ARRDC5: variants seen among roughly 807,000 people sequenced by gnomAD.
ARRDC5 encodes arrestin domain containing 5, also known as arrestin domain-containing protein 5.
Under a neutral mutation model 13.3 loss-of-function variants are expected in ARRDC5, and 12 were observed. That is an observed-to-expected ratio of 0.90 (90% CI 0.58 to 1.46). The LOEUF (loss-of-function observed/expected upper bound fraction) is 1.46, where lower values mean the gene tolerates loss of function less well. Among genes scored for constraint, ARRDC5 ranks in the 40% most tolerant of loss-of-function variants. The pLI is 0.00. For synonymous variants in ARRDC5, 181 were observed against 173.4 expected, an observed-to-expected ratio of 1.04 and a Z score of -0.34; for missense variants, 406 against 418.7, an observed-to-expected ratio of 0.97 and a Z score of 0.26.
intron 1 of ARRDC5, among the ~76,000 whole-genome samples, chr19:4,901,017 CAA>C (rs779901716): frequency 1.5e-5 from 2 of 129,472 alleles, no homozygotes; most frequent in African/African-American, 2.9e-5. Flanking sequence ...GATTCAGTCT[CAA>C]AAAAAAAAAA....
Position 4,891,268 on chromosome 19 carries a change from G to A in ARRDC5, c.765C>T (p.Ser255=). 6.2e-7 allele frequency: 1 copy of A among 1,613,948 alleles called. No homozygotes were observed. Among genetic ancestry groups the A allele is most frequent in the Non-Finnish European group, 8.5e-7 (1 of 1,179,888 alleles). Residue 255 remains serine (S), a synonymous_variant, in exon 3 of 3, where the codon AGC becomes AGT. Coordinates refer to ENST00000650722, the MANE Select transcript of ARRDC5 (RefSeq NM_001080523.3). ...ACAGCAGCAACGGCAGGTTGAAGGT[G>A]CTGACAACCTTGGTGGTGTTGAAGC... ...VTRFNTTKVV[S]TFNLPLLLSV...
intron 1 of ARRDC5, among the ~76,000 whole-genome samples, chr19:4,900,036 G>A (rs2031865288): frequency 6.8e-6 from 1 of 148,136 alleles, no homozygotes; most frequent in Non-Finnish European, 1.5e-5. Context: ...GTGCAGTGGT[G>A]CAATCTTGGC....
the ARRDC5 span, chr19:4,911,100 C>G: frequency 2.1e-6 from 3 of 1,409,986 alleles, no homozygotes; most frequent in East Asian, 7.7e-5. Context: ...TCTGCAGCCA[C>G]CAGCCGATAC....
chr19:4,909,401 C>A, the ARRDC5 span: 1 of 646,306 alleles, frequency 1.5e-6, no homozygotes, highest in Non-Finnish European at 2.8e-6. Flanking sequence ...TCTCGCTTCC[C>A]GCCACTGCGT....
intron 2 of ARRDC5, among the ~76,000 whole-genome samples, chr19:4,896,358 TTTTACACACACACACAC>T (rs2031726078): frequency 4.7e-5 from 4 of 84,702 alleles, no homozygotes; most frequent in African/African-American, 2.0e-4. Context: ...ATTTTTTTTT[TTTTACACACACACACAC>T]ACACACACAC....
rs1244498156 is a variant in ARRDC5 at position 4,896,327 on chromosome 19, A to ATAT, written c.459+343_459+344insATA. Reference sequence around the variant, plus strand: ...AGACTGCATCTCAAAAAAAAAAAAAAAAATATATATATATATATATATTTT... The same window carrying ATAT: ...AGACTGCATCTCAAAAAAAAAAAAAATATAAATATATATATATATATATATTTT... On this transcript the variant is annotated intron_variant, in intron 2 of 2. Transcript: ENST00000650722. Among the ~76,000 whole-genome samples the ATAT allele has an allele frequency of 4.6e-4, 32 of 70,120 alleles. 1 individual carries two copies. Among genetic ancestry groups the ATAT allele is most frequent in the South Asian group, 1.1e-3 (2 of 1,896 alleles). 46.0% of individuals were successfully genotyped at this position (70,120 alleles called of 152,430 possible).
the ARRDC5 span, among the ~76,000 whole-genome samples, chr19:4,911,801 C>T: frequency 5.9e-5 from 9 of 152,208 alleles, no homozygotes; most frequent in Admixed American, 6.5e-5. Context: ...TGGGGTTTCC[C>T]GGCAGGATGA....
chr19:4,912,438 A>G, the ARRDC5 span, among the ~76,000 whole-genome samples: 1 of 152,128 alleles, frequency 6.6e-6, no homozygotes, highest in Admixed American at 6.6e-5. Context: ...TTGGACTCTC[A>G]TGCTCCCAAG....
chr19:4,913,044 G>A, the ARRDC5 span, among the ~76,000 whole-genome samples: 12 of 151,978 alleles, frequency 7.9e-5, no homozygotes, highest in African/African-American at 2.9e-4. Context: ...GTGAGCTACA[G>A]TGCCGGACCT....
At chr19:4,896,363 C>T (rs1259722482) in intron 2 of ARRDC5, among the ~76,000 whole-genome samples, 48 of 85,270 alleles carry the variant, frequency 5.6e-4, no homozygotes, top group East Asian at 2.3e-3. Flanking sequence ...TTTTTTTTTA[C>T]ACACACACAC....
At chr19:4,910,755 G>A in the ARRDC5 span, 2 of 1,242,170 alleles carry the variant, frequency 1.6e-6, no homozygotes, top group Non-Finnish European at 2.2e-6. Context: ...GACTGGAAGG[G>A]CATCCTGGGA....
the ARRDC5 span, among the ~76,000 whole-genome samples, chr19:4,916,603 G>A: frequency 1.5e-4 from 23 of 152,186 alleles, no homozygotes; most frequent in South Asian, 4.4e-3. Context: ...CCCTCCACCC[G>A]TCCTGTGTGC....
chr19:4,893,930 C>A (rs1267919728), intron 2 of ARRDC5, among the ~76,000 whole-genome samples: 1 of 150,284 alleles, frequency 6.7e-6, no homozygotes, highest in African/African-American at 2.4e-5. Context: ...CACCTGTAGT[C>A]CCAGCTACTT....
In ARRDC5 at chr19:4,899,764, C is replaced by CAAAAA. The variant is rs1217500792; in HGVS notation, c.253+2804_253+2808dup. On this transcript the variant is annotated intron_variant, in intron 1 of 2. Transcript: ENST00000650722. ...TTAACACGGTGAAACCCCGTCTCTA[C>CAAAAA]AAAAAAAAAAAAAAAAAAAAAAAAA... Among the ~76,000 whole-genome samples the CAAAAA allele has an allele frequency of 6.2e-3, 419 of 67,876 alleles. 25 individuals carry two copies. The highest frequency in any genetic ancestry group is 0.017 in the Middle Eastern group (2 of 118). The allele number at this position is 67,876 out of a possible 152,430, so 44.5% of individuals were successfully genotyped here. A position where few individuals can be genotyped will look rare whatever the true frequency, so the allele number is the denominator to read the frequency against.
the ARRDC5 span, among the ~76,000 whole-genome samples, chr19:4,912,288 A>G: frequency 6.6e-6 from 1 of 152,112 alleles, no homozygotes; most frequent in Non-Finnish European, 1.5e-5. Context: ...TCCTCCTATG[A>G]TGCGTGCTCC....
At chr19:4,909,549 G>GGTCGCACGC in the ARRDC5 span, 3 of 659,456 alleles carry the variant, frequency 4.5e-6, no homozygotes, top group African/African-American at 5.7e-5. Context: ...GGGCGCTCCG[G>GGTCGCACGC]GTCGCACGCA....
the ARRDC5 span, among the ~76,000 whole-genome samples, chr19:4,913,493 G>T: frequency 6.6e-6 from 1 of 152,034 alleles, no homozygotes; most frequent in African/African-American, 2.4e-5. Context: ...GACCTCAGGT[G>T]ATCCACCTAC....
chr19:4,907,042 G>A (rs570142532), upstream of ARRDC5, among the ~76,000 whole-genome samples: 28 of 152,336 alleles, frequency 1.8e-4, no homozygotes, highest in South Asian at 1.9e-3. Context: ...TCTGGACATC[G>A]TGGATTAGAA....
At chr19:4,913,316 C>T in the ARRDC5 span, among the ~76,000 whole-genome samples, 11 of 137,318 alleles carry the variant, frequency 8.0e-5, no homozygotes, top group South Asian at 1.8e-3. Context: ...TGCAGTGGCT[C>T]GATCTGGGCT....
Sources: allele counts gnomAD v4.1 joint callset (sites outside exome capture counted in the v4.1 genomes callset), GRCh38; gene constraint gnomAD v4.1.1; transcripts MANE v1.5; gene names NCBI Gene and HGNC (gene_info 2026-07-23, HGNC 2026-07-21).